MYOZ2: variants seen among roughly 807,000 people sequenced by gnomAD.
MYOZ2 encodes myozenin-2.
MYOZ2 carries 19 observed loss-of-function variants against 25.4 expected under a neutral mutation model. That is an observed-to-expected ratio of 0.75 (90% CI 0.52 to 1.10). MYOZ2 has a LOEUF of 1.10. Among genes scored for constraint, MYOZ2 ranks in the 50% least tolerant of loss-of-function variants. MYOZ2 has a pLI of 0.00. For missense variants in MYOZ2, 270 were observed against 317.9 expected (o/e 0.85, Z 1.15); for synonymous variants, 92 against 106.9 (o/e 0.86, Z 0.86).
chr4:119,166,323 A>G lies in MYOZ2; in HGVS notation c.560+1929A>G, dbSNP rs1741823188. Among the ~76,000 whole-genome samples the G allele has an allele frequency of 2.0e-5, 3 of 152,072 alleles. No homozygotes were observed. The South Asian group carries it at 6.2e-4, about 32-fold the overall frequency. ...TGTACAGGCTGGGGTACATGCCTGTAATCCCAGCACTTTGAGAAGCCAAGG... is the reference window on the plus strand; with the variant it reads ...TGTACAGGCTGGGGTACATGCCTGTGATCCCAGCACTTTGAGAAGCCAAGG... On this transcript the variant is annotated intron_variant, in intron 5 of 5. Transcript: ENST00000307128.
intron 4 of MYOZ2, 102 bp from the exon 5 acceptor site, chr4:119,164,109 A>C: frequency 8.6e-7 from 1 of 1,161,348 alleles, no homozygotes; most frequent in Non-Finnish European, 1.3e-6. Flanking sequence ...CATGCTTCAT[A>C]AATTTATCCC....
chr4:119,151,120 G>C lies in MYOZ2; in HGVS notation c.246+79G>C, dbSNP rs6829055. On this transcript the variant is annotated intron_variant, in intron 3 of 5. Transcript: ENST00000307128. Reference sequence around the variant, plus strand: ...TTGTATTTATGACTAGTTTCTGAAGGAAGTATTCTATATATTTTCTTTCAA... The same window carrying C: ...TTGTATTTATGACTAGTTTCTGAAGCAAGTATTCTATATATTTTCTTTCAA... The C allele has an allele frequency of 0.68, 956,664 of 1,397,966 alleles. 334,629 individuals carry two copies. Among genetic ancestry groups the C allele is most frequent in the Non-Finnish European group, 0.73 (722,258 of 995,762 alleles). 86.6% of individuals were successfully genotyped at this position (1,397,966 alleles called of 1,614,324 possible).
At chr4:119,140,722 T>C (rs1425126597) in intron 2 of MYOZ2, among the ~76,000 whole-genome samples, 1 of 152,214 alleles carries the variant, frequency 6.6e-6, no homozygotes, top group African/African-American at 2.4e-5. Flanking sequence ...CTCAAATATG[T>C]TTTAGACATA....
intron 3 of MYOZ2, among the ~76,000 whole-genome samples, chr4:119,157,147 G>A (rs1052022292): frequency 6.6e-6 from 1 of 152,082 alleles, no homozygotes. Context: ...CAAAATCAGT[G>A]TCTAATTGCT....
At chr4:119,184,243 C>A (rs1215855403) in intron 5 of MYOZ2, among the ~76,000 whole-genome samples, 1 of 152,194 alleles carries the variant, frequency 6.6e-6, no homozygotes, top group East Asian at 1.9e-4. Flanking sequence ...AATCCATATT[C>A]CTTATTTAGA....
chr4:119,139,721 A>G (rs1272644138), intron 2 of MYOZ2, among the ~76,000 whole-genome samples: 1 of 152,200 alleles, frequency 6.6e-6, no homozygotes, highest in African/African-American at 2.4e-5. Context: ...AACTGGGAGT[A>G]TGATGTTCCC....
chr4:119,167,102 A>G (rs755285164), intron 5 of MYOZ2, among the ~76,000 whole-genome samples: 3 of 152,252 alleles, frequency 2.0e-5, no homozygotes, highest in Non-Finnish European at 2.9e-5. Flanking sequence ...TGAGGAAGAC[A>G]TGTCAAAAGC....
chr4:119,180,500 C>G (rs116352726), intron 5 of MYOZ2, among the ~76,000 whole-genome samples: 1 of 152,104 alleles, frequency 6.6e-6, no homozygotes, highest in Non-Finnish European at 1.5e-5. Flanking sequence ...ATATTTTAAA[C>G]TAGATAAATA....
rs1742306408 is a variant in MYOZ2 at position 119,187,053 on chromosome 4, T to C, written c.*853T>C. 6.6e-6 allele frequency: 1 copy of C among 152,186 alleles called. No homozygotes were observed. Among genetic ancestry groups the C allele is most frequent in the Non-Finnish European group, 1.5e-5 (1 of 68,006 alleles). The allele number at this position is 152,186 out of a possible 1,614,324, so 9.4% of individuals were successfully genotyped here. ...AGAAGGAAAGAGTAAGTAATTTGAA[T>C]TGGCAGCTTTCTTTGCTAAATCTTT... On this transcript the variant is annotated 3_prime_UTR_variant, in exon 6 of 6. Transcript: ENST00000307128.
chr4:119,146,910 T>C (rs1741313472), intron 2 of MYOZ2, among the ~76,000 whole-genome samples: 1 of 152,222 alleles, frequency 6.6e-6, no homozygotes, highest in African/African-American at 2.4e-5. Flanking sequence ...TTGGTGCATG[T>C]ACATTTGGGA....
In MYOZ2 at chr4:119,164,174, C is replaced by A; in HGVS notation, c.377-37C>A. ...TAGGTGGAGGTTAGTAACTCTCGGG[C>A]ACAGTATTTACTTACTTTTGCTATA... On this transcript the variant is annotated intron_variant, in intron 4 of 5. Coordinates refer to ENST00000307128, the MANE Select transcript of MYOZ2 (RefSeq NM_016599.5). 1.3e-6 allele frequency: 2 copies of A among 1,583,570 alleles called. 1 individual carries two copies. Among genetic ancestry groups the A allele is most frequent in the South Asian group, 2.2e-5 (2 of 90,318 alleles).
At chr4:119,160,841 A>T (rs148806833) in intron 4 of MYOZ2, among the ~76,000 whole-genome samples, 54 of 152,078 alleles carry the variant, frequency 3.6e-4, no homozygotes, top group African/African-American at 1.2e-3. Context: ...CCATCATCTC[A>T]AATATTTATT....
intron 5 of MYOZ2, among the ~76,000 whole-genome samples, chr4:119,165,284 T>C (rs1313700548): frequency 1.3e-5 from 2 of 151,444 alleles, no homozygotes; most frequent in Admixed American, 6.6e-5. Flanking sequence ...CTGAGGTGGG[T>C]GGATCACTTG....
chr4:119,154,235 A>T (rs1741519653), intron 3 of MYOZ2, among the ~76,000 whole-genome samples: 3 of 152,162 alleles, frequency 2.0e-5, no homozygotes, highest in African/African-American at 4.8e-5. Context: ...AACAGAAATC[A>T]TGTAAAGCAT....
At chr4:119,163,921 A>G (rs546489241) in intron 4 of MYOZ2, among the ~76,000 whole-genome samples, 1 of 152,308 alleles carries the variant, frequency 6.6e-6, no homozygotes, top group African/African-American at 2.4e-5. Context: ...TAGAAAACTA[A>G]ATGAACAGTT....
In MYOZ2 at chr4:119,186,199, G is replaced by A. The variant is rs1742291017; in HGVS notation, c.794G>A (p.Ter265=). The A allele has an allele frequency of 6.2e-7, 1 of 1,608,032 alleles. No individual in the cohort carries two copies. Among genetic ancestry groups the A allele is most frequent in the Admixed American group, 1.7e-5 (1 of 59,978 alleles). The change falls in exon 6 of 6, where the codon TGA becomes TAA. Residue 265 remains the stop codon, a stop_retained_variant. Coordinates refer to ENST00000307128, the MANE Select transcript of MYOZ2 (RefSeq NM_016599.5). The stretch of plus-strand genomic sequence containing the variant: ...ACTGTACCAGAATCAGAAGACCTAT[G>A]AAAAGAAAGTTGTATGTGCCACATA... The part of the protein sequence containing the change: ...DTTVPESEDL[*]
intron 5 of MYOZ2, among the ~76,000 whole-genome samples, chr4:119,172,672 G>C (rs1452540446): frequency 6.6e-6 from 1 of 152,204 alleles, no homozygotes; most frequent in Non-Finnish European, 1.5e-5. Flanking sequence ...TTCTGATCTT[G>C]TGGCTGATTT....
chr4:119,147,890 G>A (rs911176909), intron 2 of MYOZ2, among the ~76,000 whole-genome samples: 2 of 152,138 alleles, frequency 1.3e-5, no homozygotes, highest in Non-Finnish European at 2.9e-5. Context: ...AAGCCCAAGA[G>A]GAGAAGGGAA....
At chr4:119,144,761 C>T (rs912396060) in intron 2 of MYOZ2, among the ~76,000 whole-genome samples, 2 of 152,012 alleles carry the variant, frequency 1.3e-5, no homozygotes, top group African/African-American at 4.8e-5. Flanking sequence ...GTTGAAATGC[C>T]TCTTCATGTT....
Sources: allele counts gnomAD v4.1 joint callset (sites outside exome capture counted in the v4.1 genomes callset), GRCh38; gene constraint gnomAD v4.1.1; transcripts MANE v1.5; gene names NCBI Gene and HGNC (gene_info 2026-07-23, HGNC 2026-07-21).